Variants in FGGY observed in about 807,000 individuals in gnomAD.
FGGY encodes FGGY carbohydrate kinase domain containing.
Under a neutral mutation model 71.3 loss-of-function variants are expected in FGGY, and 72 were observed. The observed-to-expected ratio is 1.01, with a 90% CI of 0.84 to 1.23. FGGY has a LOEUF of 1.23. Among genes scored for constraint, FGGY ranks in the 50% most tolerant of loss-of-function variants. FGGY has a pLI of 0.00. For missense variants in FGGY, 668 were observed against 682.3 expected (o/e 0.98, Z 0.23); for synonymous variants, 251 against 250.3 (o/e 1.00, Z -0.02).
chr1:59,718,424 C>G (rs1282131858), intron 14 of FGGY, among the ~76,000 whole-genome samples: 1 of 152,180 alleles, frequency 6.6e-6, no homozygotes, highest in East Asian at 1.9e-4. Flanking sequence ...GTGACTCCCT[C>G]CAGGAGAGCC....
chr1:59,592,899 A>C (rs541931699), intron 8 of FGGY, among the ~76,000 whole-genome samples: 4 of 152,208 alleles, frequency 2.6e-5, no homozygotes, highest in African/African-American at 9.6e-5. Flanking sequence ...ACTAACCGGC[A>C]CATTGTGCAC....
At chr1:59,632,973 GA>G (rs1186289071) in intron 10 of FGGY, among the ~76,000 whole-genome samples, 1 of 151,030 alleles carries the variant, frequency 6.6e-6, no homozygotes, top group Non-Finnish European at 1.5e-5. Flanking sequence ...ATTTCTTACA[GA>G]AATTAGCTGG....
chr1:59,322,483 C>T (rs1281702510), intron 2 of FGGY, among the ~76,000 whole-genome samples: 1 of 152,122 alleles, frequency 6.6e-6, no homozygotes, highest in African/African-American at 2.4e-5. Context: ...CCAATTGTAT[C>T]ATTCCTATAC....
At chr1:59,629,434 T>G (rs1244250434) in intron 10 of FGGY, among the ~76,000 whole-genome samples, 1 of 152,196 alleles carries the variant, frequency 6.6e-6, no homozygotes, top group African/African-American at 2.4e-5. Flanking sequence ...AGGCATTCCC[T>G]TCTAGGAGTC....
intron 14 of FGGY, among the ~76,000 whole-genome samples, chr1:59,737,373 C>T (rs901284014): frequency 6.6e-6 from 1 of 152,184 alleles, no homozygotes; most frequent in African/African-American, 2.4e-5. Flanking sequence ...CAGCTTACAC[C>T]ATGTGCCTGA....
intron 7 of FGGY, among the ~76,000 whole-genome samples, chr1:59,517,432 A>C (rs2153639646): frequency 1.3e-5 from 2 of 151,334 alleles, no homozygotes; most frequent in African/African-American, 4.8e-5. Context: ...TGCCCGGCTA[A>C]TTTTTTGTAT....
chr1:59,696,841 CT>C (rs994426395), intron 14 of FGGY, among the ~76,000 whole-genome samples: 6 of 152,092 alleles, frequency 3.9e-5, no homozygotes, highest in African/African-American at 1.2e-4. Flanking sequence ...TGGAAGGGCC[CT>C]TAGAGATCAT....
At chr1:59,452,142 G>T in intron 5 of FGGY, among the ~76,000 whole-genome samples, 1 of 146,338 alleles carries the variant, frequency 6.8e-6, no homozygotes. Context: ...TGGAATTTCT[G>T]TTATTCTCAT....
intron 1 of FGGY, among the ~76,000 whole-genome samples, chr1:59,303,389 A>C (rs2043046354): frequency 6.6e-6 from 1 of 152,172 alleles, no homozygotes; most frequent in African/African-American, 2.4e-5. Flanking sequence ...TTATTTCAAT[A>C]GGATGTTGTA....
At chr1:59,344,287 A>G (rs148659277) in intron 3 of FGGY, among the ~76,000 whole-genome samples, 1,926 of 150,510 alleles carry the variant, frequency 0.013, 24 homozygotes, top group Middle Eastern at 0.038. Context: ...GTATCTTCTT[A>G]CATTGGCTTT....
intron 1 of FGGY, chr1:59,315,739 A>G (rs1322888096): frequency 1.3e-5 from 2 of 152,210 alleles, no homozygotes; most frequent in African/African-American, 4.8e-5. Flanking sequence ...AGCCACAGGT[A>G]TGTCTAGATG....
chr1:59,760,363 G>T (rs116829002), intron 15 of FGGY, among the ~76,000 whole-genome samples: 1 of 152,180 alleles, frequency 6.6e-6, no homozygotes, highest in African/African-American at 2.4e-5. Flanking sequence ...ACATAGTATC[G>T]CTGCTGCAGA....
At chr1:59,447,033 A>G (rs75669413) in intron 5 of FGGY, among the ~76,000 whole-genome samples, 4,141 of 152,254 alleles carry the variant, frequency 0.027, 180 homozygotes, top group African/African-American at 0.094. Flanking sequence ...AGGCTACTTC[A>G]TGGTCTCTGG....
intron 6 of FGGY, among the ~76,000 whole-genome samples, chr1:59,472,201 T>A (rs1055344027): frequency 6.6e-6 from 1 of 152,098 alleles, no homozygotes; most frequent in Non-Finnish European, 1.5e-5. Context: ...GGGTGTGGGC[T>A]CGGCGGACCC....
chr1:59,322,620 A>T (rs1009236621), intron 2 of FGGY, among the ~76,000 whole-genome samples: 1 of 152,176 alleles, frequency 6.6e-6, no homozygotes, highest in Non-Finnish European at 1.5e-5. Flanking sequence ...GCACGAAAAC[A>T]TGGTGTGTTC....
intron 7 of FGGY, among the ~76,000 whole-genome samples, chr1:59,524,499 T>C (rs1252481995): frequency 4.0e-5 from 6 of 151,502 alleles, no homozygotes; most frequent in Non-Finnish European, 8.8e-5. Context: ...TTTTTCTGGG[T>C]CCACCCATGG....
At chr1:59,367,200 C>T (rs899382273) in intron 4 of FGGY, among the ~76,000 whole-genome samples, 1 of 152,190 alleles carries the variant, frequency 6.6e-6, no homozygotes, top group African/African-American at 2.4e-5. Context: ...TGAAATATTT[C>T]TGATGTTCTG....
At chr1:59,436,162 A>G (rs1473916881) in intron 5 of FGGY, among the ~76,000 whole-genome samples, 1 of 152,006 alleles carries the variant, frequency 6.6e-6, no homozygotes, top group Non-Finnish European at 1.5e-5. Context: ...CTTCACCCTC[A>G]ATTGTCTGCA....
rs1310188606 is a variant in FGGY at position 59,578,837 on chromosome 1, GTC to G, written c.903+24614_903+24615del. ...GTCCCTCTCCTACATCAGCAAATCT[GTC>G]TCTACGTAATCATGTAAGACTACAG... On this transcript the variant is annotated intron_variant, in intron 8 of 15. Coordinates refer to ENST00000303721, the MANE Select transcript of FGGY (RefSeq NM_018291.5). 2.6e-5 allele frequency among the ~76,000 whole-genome samples: 4 copies of G among 152,082 alleles called. 1 individual carries two copies. In the East Asian group the frequency reaches 7.7e-4, roughly 29 times the overall value.
Sources: gnomAD v4.1 joint callset for allele counts (sites outside exome capture counted in the v4.1 genomes callset) on GRCh38, gnomAD v4.1.1 for gene constraint, MANE v1.5 for transcripts, NCBI Gene and HGNC (gene_info 2026-07-23, HGNC 2026-07-21) for gene names.